The following NUBPL variants were observed in gnomAD, a reference collection of about 807,000 sequenced individuals.
NUBPL encodes NUBP iron-sulfur cluster assembly factor, mitochondrial.
In NUBPL, 31 loss-of-function variants were observed where a neutral mutation model predicts 45.7. The ratio of observed to expected loss-of-function variants is 0.68; its 90% CI spans 0.51 to 0.92. The LOEUF (loss-of-function observed/expected upper bound fraction) is 0.92, where lower values mean the gene tolerates loss of function less well. NUBPL is among the 40% of genes least tolerant of loss of function. The pLI is 0.00. For missense variants in NUBPL, 401 were observed against 398.7 expected (o/e 1.01, Z -0.05); for synonymous variants, 144 against 140.9 (o/e 1.02, Z -0.15).
intron 4 of NUBPL, chr14:31,653,983 A>G: frequency 2.4e-6 from 1 of 408,446 alleles, no homozygotes; most frequent in South Asian, 1.8e-5. Flanking sequence ...TCTCCTATTG[A>G]CTTTGTATTT....
rs554956399 is a variant in NUBPL, at chr14:31,678,696, T to C, written c.513+5122T>C. ...AAGTTCTCTTTGTTCTTCCCTCTCC[T>C]GTCCTGAAGTGAAGAAAGGGTCTCT... On this transcript the variant is annotated intron_variant, in intron 6 of 10. Transcript: ENST00000281081. Among the ~76,000 whole-genome samples the C allele has an allele frequency of 7.9e-5, 12 of 152,332 alleles. No homozygotes were observed. In the South Asian group the frequency reaches 2.5e-3, roughly 32 times the overall value.
intron 3 of NUBPL, among the ~76,000 whole-genome samples, chr14:31,597,407 A>G (rs1022567590): frequency 1.6e-4 from 25 of 152,194 alleles, no homozygotes; most frequent in African/African-American, 5.8e-4. Context: ...ACATTATGCC[A>G]AGAGTTCATC....
At chr14:31,777,903 G>C (rs1398197027) in intron 6 of NUBPL, among the ~76,000 whole-genome samples, 1 of 152,218 alleles carries the variant, frequency 6.6e-6, no homozygotes, top group Non-Finnish European at 1.5e-5. Flanking sequence ...CTGATGGCAT[G>C]AGTGGTGAAG....
chr14:31,672,682 A>G (rs2036600007), intron 4 of NUBPL, among the ~76,000 whole-genome samples: 1 of 152,100 alleles, frequency 6.6e-6, no homozygotes. Context: ...AGGCTGGTCT[A>G]GAACTCCTGA....
chr14:31,685,771 C>T (rs768467774), intron 6 of NUBPL, among the ~76,000 whole-genome samples: 2 of 152,090 alleles, frequency 1.3e-5, no homozygotes, highest in African/African-American at 2.4e-5. Flanking sequence ...GTATTCTTCC[C>T]AGTAGACGGG....
chr14:31,806,108 T>C (rs912531806), intron 7 of NUBPL, among the ~76,000 whole-genome samples: 1 of 152,198 alleles, frequency 6.6e-6, no homozygotes, highest in Admixed American at 6.5e-5. Context: ...CACTTGGTCA[T>C]AGATGTTAGA....
chr14:31,790,228 A>G (rs1321864704), intron 7 of NUBPL, among the ~76,000 whole-genome samples: 2 of 152,160 alleles, frequency 1.3e-5, no homozygotes, highest in Non-Finnish European at 1.5e-5. Flanking sequence ...GACAAGATTT[A>G]TGATTAAATT....
intron 3 of NUBPL, among the ~76,000 whole-genome samples, chr14:31,580,768 A>G (rs2033840659): frequency 6.6e-6 from 1 of 152,240 alleles, no homozygotes; most frequent in East Asian, 1.9e-4. Flanking sequence ...GGTAGAATCA[A>G]CTTGGATTAT....
chr14:31,676,957 T>C (rs2036714098), intron 6 of NUBPL, among the ~76,000 whole-genome samples: 1 of 152,022 alleles, frequency 6.6e-6, no homozygotes, highest in Non-Finnish European at 1.5e-5. Flanking sequence ...TTTTGTATCC[T>C]CTTTAAGAAA....
Position 31,732,672 on chromosome 14 carries a change from C to A in NUBPL, c.514-55108C>A, listed in dbSNP as rs1453908214. On this transcript the variant is annotated intron_variant, in intron 6 of 10. Coordinates refer to ENST00000281081, the MANE Select transcript of NUBPL (RefSeq NM_025152.3). ...AGTAGCCCAGGCTGGAGTGCAGTGG[C>A]ATGATCTCAGCTCACTGCAACCTCC... Among the ~76,000 whole-genome samples the A allele has an allele frequency of 5.9e-5, 8 of 136,178 alleles. 2 individuals carry two copies. The Admixed American group carries it at 6.5e-4, about 11-fold the overall frequency. The allele number at this position is 136,178 out of a possible 152,430, so 89.3% of individuals were successfully genotyped here.
intron 3 of NUBPL, among the ~76,000 whole-genome samples, chr14:31,581,958 A>T (rs1234992016): frequency 6.6e-6 from 1 of 152,236 alleles, no homozygotes; most frequent in African/African-American, 2.4e-5. Context: ...AAAAGTTGGC[A>T]TTGATTTTTA....
intron 6 of NUBPL, among the ~76,000 whole-genome samples, chr14:31,741,618 C>G (rs1449799220): frequency 6.6e-6 from 1 of 152,196 alleles, no homozygotes; most frequent in Non-Finnish European, 1.5e-5. Flanking sequence ...GCAGGTAAAA[C>G]TCACAACAGT....
At chr14:31,850,007 A>G in intron 9 of NUBPL, 112 bp from the exon 10 acceptor site, 4 of 771,938 alleles carry the variant, frequency 5.2e-6, no homozygotes, top group South Asian at 1.5e-5. Flanking sequence ...AAGATAGTCA[A>G]TTTGAATCAA....
chr14:31,617,938 C>T (rs1456532709), intron 4 of NUBPL, among the ~76,000 whole-genome samples: 1 of 152,094 alleles, frequency 6.6e-6, no homozygotes, highest in East Asian at 1.9e-4. Flanking sequence ...CTATTAATTA[C>T]TGCCTCAATT....
At chr14:31,700,612 G>A (rs529825418) in intron 6 of NUBPL, among the ~76,000 whole-genome samples, 163 of 152,292 alleles carry the variant, frequency 1.1e-3, no homozygotes, top group Admixed American at 2.5e-3. Flanking sequence ...CCGGGTGGGC[G>A]CAGGCTCGGC....
chr14:31,799,754 G>A (rs749151492), intron 7 of NUBPL, among the ~76,000 whole-genome samples: 3 of 152,106 alleles, frequency 2.0e-5, no homozygotes, highest in South Asian at 2.1e-4. Context: ...TCTTTCCTTC[G>A]TGATTGTGGC....
chr14:31,650,031 G>A (rs537793705), intron 4 of NUBPL, among the ~76,000 whole-genome samples: 60 of 151,552 alleles, frequency 4.0e-4, no homozygotes, highest in African/African-American at 1.4e-3. Flanking sequence ...GGCTAATTTT[G>A]TATTTTTAGT....
chr14:31,801,941 A>G (rs1168518926), intron 7 of NUBPL, among the ~76,000 whole-genome samples: 3 of 152,192 alleles, frequency 2.0e-5, no homozygotes, highest in Non-Finnish European at 4.4e-5. Flanking sequence ...AATATGTTGA[A>G]TATTCATGGG....
chr14:31,857,302 CG>C (rs2040638488), intron 10 of NUBPL, among the ~76,000 whole-genome samples: 2 of 152,154 alleles, frequency 1.3e-5, no homozygotes, highest in African/African-American at 2.4e-5. Flanking sequence ...CCACACAACA[CG>C]GGGACTCTGG....
Sources: gnomAD v4.1 joint callset for allele counts (sites outside exome capture counted in the v4.1 genomes callset) on GRCh38, gnomAD v4.1.1 for gene constraint, MANE v1.5 for transcripts, NCBI Gene and HGNC (gene_info 2026-07-23, HGNC 2026-07-21) for gene names.